ZFP36L1: variants seen among roughly 807,000 people sequenced by gnomAD.
ZFP36L1 encodes the protein mRNA decay activator protein ZFP36L1.
Under a neutral mutation model 16.7 loss-of-function variants are expected in ZFP36L1, and 4 were observed. That is an observed-to-expected ratio of 0.24 (90% CI 0.12 to 0.55). ZFP36L1 has a LOEUF of 0.55. ZFP36L1 is among the 20% of genes least tolerant of loss of function. ZFP36L1 has a pLI of 0.94. For missense variants in ZFP36L1, 311 were observed against 449.2 expected (o/e 0.69, Z 2.78); for synonymous variants, 220 against 190.8 (o/e 1.15, Z -1.26).
chr14:68,796,152 G>T (rs778889335), upstream of ZFP36L1: 5 of 1,366,432 alleles, frequency 3.7e-6, no homozygotes, highest in Middle Eastern at 2.1e-4. Flanking sequence ...CTCCCCATTC[G>T]CCTGGAGCGC....
At chr14:68,795,933 G>A (rs762842042), upstream of ZFP36L1, 2 of 1,167,948 alleles carry the variant, frequency 1.7e-6, no homozygotes, top group South Asian at 2.4e-5. Context: ...TGGTCGACAG[G>A]TGCCCAGGGG....
upstream of ZFP36L1, chr14:68,794,845 G>A (rs1488433973): frequency 6.6e-6 from 1 of 152,588 alleles, no homozygotes; most frequent in Non-Finnish European, 1.5e-5. Flanking sequence ...TCAACTTTGT[G>A]AAACCCAACT....
At chr14:68,793,948 AG>A, upstream of ZFP36L1, 1 of 984,424 alleles carries the variant, frequency 1.0e-6, no homozygotes, top group Non-Finnish European at 1.2e-6. Flanking sequence ...CCGCAAAAAA[AG>A]ACCACAACCC....
At chr14:68,791,106 A>G (rs1170670180) in intron 1 of ZFP36L1, 1 of 696,352 alleles carries the variant, frequency 1.4e-6, no homozygotes, top group East Asian at 2.7e-5. Context: ...GTTGGGGGAG[A>G]CAGGGATGTG....
In ZFP36L1 at chr14:68,789,363, G is replaced by A. The variant is rs1476454429; in HGVS notation, c.*170C>T. On this transcript the variant is annotated 3_prime_UTR_variant, in exon 2 of 2. Transcript: ENST00000439696. The surrounding 1 kb of genome is among the most constrained non-coding windows in gnomAD (Gnocchi z 4.5). Reference sequence around the variant, plus strand: ...TTGACTTGTCCTTATGTTAGGTGGGGTTATGAGGGGGAGAGGGAGGGCACA... The same window carrying A: ...TTGACTTGTCCTTATGTTAGGTGGGATTATGAGGGGGAGAGGGAGGGCACA... 5 of 961,600 alleles carry A rather than the reference G, an allele frequency of 5.2e-6. No individual in the cohort carries two copies. The highest frequency in any genetic ancestry group is 7.6e-6 in the Non-Finnish European group (5 of 661,022). The allele number at this position is 961,600 out of a possible 1,614,324, so 59.6% of individuals were successfully genotyped here. A position where few individuals can be genotyped will look rare whatever the true frequency, so the allele number is the denominator to read the frequency against.
At chr14:68,793,079 C>T (rs747406018), upstream of ZFP36L1, 1 of 1,566,590 alleles carries the variant, frequency 6.4e-7, no homozygotes, top group Non-Finnish European at 8.6e-7. Context: ...GGCTGGGGCG[C>T]GCAAAGCCCA....
At chr14:68,790,873 G>A (rs1179729206) in intron 1 of ZFP36L1, 2 of 284,200 alleles carry the variant, frequency 7.0e-6, no homozygotes, top group Admixed American at 5.4e-5. Context: ...CCCCGCCCCC[G>A]CCACCGCCCG....
chr14:68,789,407 A>C lies in ZFP36L1; in HGVS notation c.*126T>G. On this transcript the variant is annotated 3_prime_UTR_variant, in exon 2 of 2. Transcript: ENST00000439696. This position sits in a 1 kb window ranked among gnomAD's most constrained non-coding sequence, Gnocchi z 4.5. ...GGGCACATTCTGAGGTGCTGGGGGA[A>C]AGGGGTTGAGCTTAACCTTGTTAAT... 1 of 1,410,258 alleles carries C rather than the reference A, an allele frequency of 7.1e-7. No homozygotes were observed. The highest frequency in any genetic ancestry group is 2.3e-5 in the East Asian group (1 of 43,114). 87.4% of individuals were successfully genotyped at this position (1,410,258 alleles called of 1,614,324 possible).
At chr14:68,793,697 C>A, upstream of ZFP36L1, 1 of 985,538 alleles carries the variant, frequency 1.0e-6, no homozygotes, top group Non-Finnish European at 1.2e-6. Context: ...GCAAACCGGG[C>A]AGGCCGAGGA....
chr14:68,792,765 G>T (rs1895132262), intron 1 of ZFP36L1, 117 bp downstream of exon 1: 3 of 1,412,852 alleles, frequency 2.1e-6, no homozygotes, highest in Non-Finnish European at 9.9e-7. Flanking sequence ...GAGGAGAAAA[G>T]AATCATCTCG....
upstream of ZFP36L1, chr14:68,793,148 T>C (rs1895152105): frequency 1.4e-5 from 19 of 1,344,986 alleles, no homozygotes; most frequent in East Asian, 3.1e-5. Context: ...CTTATTTAAA[T>C]GAGGAAGAGG....
chr14:68,794,966 C>G (rs1895208930), upstream of ZFP36L1, among the ~76,000 whole-genome samples: 1 of 152,202 alleles, frequency 6.6e-6, no homozygotes, highest in South Asian at 2.1e-4. Context: ...CTCGCTTGTT[C>G]TGCTGCTGCC....
In ZFP36L1 at chr14:68,789,467, A is replaced by T; in HGVS notation, c.*66T>A. On this transcript the variant is annotated 3_prime_UTR_variant, in exon 2 of 2. Transcript: ENST00000439696. This position sits in a 1 kb window ranked among gnomAD's most constrained non-coding sequence, Gnocchi z 4.5. ...GTGGGGAATGGGATGGGTAGGGAGA[A>T]GAGGGTATGGGATGTGGGTGCAGGG... 3 of 1,602,384 alleles carry T rather than the reference A, an allele frequency of 1.9e-6. No individual in the cohort carries two copies. In the South Asian group the frequency reaches 3.3e-5, roughly 18 times the overall value.
chr14:68,794,897 C>T (rs1023467118), upstream of ZFP36L1, among the ~76,000 whole-genome samples: 3 of 152,192 alleles, frequency 2.0e-5, no homozygotes, highest in African/African-American at 7.2e-5. Flanking sequence ...GCGGGGTCGG[C>T]TTTCATTTGT....
At chr14:68,792,775 G>C (rs1594718435) in intron 1 of ZFP36L1, 107 bp downstream of exon 1, 2 of 1,458,832 alleles carry the variant, frequency 1.4e-6, no homozygotes, top group Admixed American at 1.7e-5. Context: ...GAATCATCTC[G>C]CTGCACCACT....
chr14:68,790,925 C>G, intron 1 of ZFP36L1: 1 of 601,410 alleles, frequency 1.7e-6, no homozygotes, highest in Admixed American at 2.9e-5. Flanking sequence ...CTATCATAGG[C>G]TACGTTAGGT....
rs1004650288 is a variant in ZFP36L1 at position 68,789,278 on chromosome 14, T to C, written c.*255A>G. ...AAATATGGGACTTGTCTGTTATGCA[T>C]GGTAAGTGGGCTATAAAATCCAGGG... On this transcript the variant is annotated 3_prime_UTR_variant, in exon 2 of 2. Transcript: ENST00000439696. The surrounding 1 kb of genome is among the most constrained non-coding windows in gnomAD (Gnocchi z 4.5). 2 of 496,168 alleles carry C rather than the reference T, an allele frequency of 4.0e-6. No homozygotes were observed. The highest frequency in any genetic ancestry group is 3.9e-5 in the African/African-American group (2 of 51,598). 30.7% of individuals were successfully genotyped at this position (496,168 alleles called of 1,614,324 possible). A position where few individuals can be genotyped will look rare whatever the true frequency, so the allele number is the denominator to read the frequency against.
At chr14:68,793,578 G>A (rs1895169906), upstream of ZFP36L1, 3 of 985,830 alleles carry the variant, frequency 3.0e-6, no homozygotes, top group Non-Finnish European at 3.6e-6. Context: ...CCCGTCCTTA[G>A]CGCCCGGGCC....
upstream of ZFP36L1, chr14:68,793,121 G>A (rs1427689470): frequency 7.1e-6 from 10 of 1,399,114 alleles, no homozygotes; most frequent in East Asian, 2.4e-4. Flanking sequence ...TGGGCCGGGG[G>A]GAGGAGGAGC....
Sources: gnomAD v4.1 joint callset for allele counts (sites outside exome capture counted in the v4.1 genomes callset) on GRCh38, gnomAD v4.1.1 for gene constraint, Gnocchi (gnomAD v3.1) non-coding constraint, MANE v1.5 for transcripts, NCBI Gene and HGNC (gene_info 2026-07-23, HGNC 2026-07-21) for gene names.